Variants in CPED1 observed in about 807,000 individuals in gnomAD.
The protein encoded by CPED1 is cadherin like and PC-esterase domain containing 1, also known as cadherin-like and PC-esterase domain-containing protein 1.
A neutral mutation model predicts 128.2 loss-of-function variants in CPED1; 114 were observed. The observed-to-expected ratio is 0.89, with a 90% CI of 0.76 to 1.04. The LOEUF (loss-of-function observed/expected upper bound fraction) is 1.04, where lower values mean the gene tolerates loss of function less well. Ranked by LOEUF, CPED1 falls within the 50% of genes least tolerant of loss-of-function variation. CPED1 has a pLI of 0.00. For missense variants in CPED1, 1,211 were observed against 1,207.1 expected, an observed-to-expected ratio of 1.00 and a Z score of -0.05; for synonymous variants, 462 against 426.7, an observed-to-expected ratio of 1.08 and a Z score of -1.02.
chr7:121,215,602 T>A (rs1797742536), intron 16 of CPED1, among the ~76,000 whole-genome samples: 1 of 152,062 alleles, frequency 6.6e-6, no homozygotes, highest in South Asian at 2.1e-4. Flanking sequence ...TAGAGCACAG[T>A]TTTTAATAAA....
At chr7:121,032,667 G>A (rs1385264076) in intron 3 of CPED1, among the ~76,000 whole-genome samples, 9 of 151,742 alleles carry the variant, frequency 5.9e-5, no homozygotes, top group African/African-American at 1.5e-4. Context: ...GTATACTTAC[G>A]TAACACACCT....
intron 2 of CPED1, among the ~76,000 whole-genome samples, chr7:121,007,230 C>CTTTT (rs147867549): frequency 2.0e-4 from 23 of 115,838 alleles, no homozygotes; most frequent in Non-Finnish European, 2.7e-4. Flanking sequence ...GTTCAGGTTG[C>CTTTT]ATTTTTTTTT....
At chr7:121,070,915 G>T (rs1304258946) in intron 5 of CPED1, among the ~76,000 whole-genome samples, 1 of 152,130 alleles carries the variant, frequency 6.6e-6, no homozygotes, top group Non-Finnish European at 1.5e-5. Flanking sequence ...GACTGAAACA[G>T]TACAGCCTAG....
intron 16 of CPED1, among the ~76,000 whole-genome samples, chr7:121,159,290 C>A (rs1201032135): frequency 3.3e-5 from 5 of 152,146 alleles, no homozygotes; most frequent in African/African-American, 1.2e-4. Context: ...ACAATTTACT[C>A]TTCTGATTTG....
chr7:121,006,057 G>A (rs1234178996), intron 2 of CPED1, among the ~76,000 whole-genome samples: 1 of 152,158 alleles, frequency 6.6e-6, no homozygotes, highest in East Asian at 1.9e-4. Context: ...CTGTGAAAAT[G>A]TTTGGTCGAC....
chr7:121,024,162 C>T (rs531511678), intron 3 of CPED1, among the ~76,000 whole-genome samples: 25 of 152,168 alleles, frequency 1.6e-4, no homozygotes, highest in African/African-American at 5.8e-4. Flanking sequence ...AAACAGAATT[C>T]GTTCTTTAAT....
intron 18 of CPED1, chr7:121,261,817 A>G (rs1244404727): frequency 1.5e-5 from 19 of 1,248,100 alleles, no homozygotes; most frequent in East Asian, 2.5e-5. Context: ...TTTTTGGGCT[A>G]TCTGTTACAG....
At position 121,246,421 on chromosome 7, in the gene CPED1, G is replaced by A. The variant is rs997546355; in HGVS notation, c.2310+2083G>A. Among the ~76,000 whole-genome samples the A allele has an allele frequency of 3.9e-5, 6 of 152,280 alleles. No homozygotes were observed. The East Asian group carries it at 5.8e-4, about 15-fold the overall frequency. ...TATTTCTCACAGTTCTGGAGGCTAC[G>A]GAGTCCTAGATCAAGGTGTCAGTAT... On this transcript the variant is annotated intron_variant, in intron 18 of 22. Transcript: ENST00000310396.
At chr7:121,189,793 T>TATATATATATATATATATAA (rs1300638763) in intron 16 of CPED1, among the ~76,000 whole-genome samples, 1 of 73,366 alleles carries the variant, frequency 1.4e-5, no homozygotes, top group Non-Finnish European at 3.1e-5. Flanking sequence ...TATATATATA[T>TATATATATATATATATATAA]ATATAAAATT....
At chr7:121,161,554 C>T (rs917595005) in intron 16 of CPED1, among the ~76,000 whole-genome samples, 1 of 152,180 alleles carries the variant, frequency 6.6e-6, no homozygotes, top group African/African-American at 2.4e-5. Context: ...TGTGCAAAAT[C>T]TCTCCCAGCA....
chr7:121,164,098 C>T (rs1322699343), intron 16 of CPED1, among the ~76,000 whole-genome samples: 1 of 152,230 alleles, frequency 6.6e-6, no homozygotes, highest in Non-Finnish European at 1.5e-5. Flanking sequence ...AAGCTCAGAA[C>T]ATCACAAATC....
chr7:121,186,358 T>A (rs927152103), intron 16 of CPED1, among the ~76,000 whole-genome samples: 1 of 152,168 alleles, frequency 6.6e-6, no homozygotes, highest in African/African-American at 2.4e-5. Flanking sequence ...AATATTTGAA[T>A]GTTGTGTGTG....
At chr7:121,111,310 A>G (rs892618270) in intron 7 of CPED1, among the ~76,000 whole-genome samples, 5 of 152,062 alleles carry the variant, frequency 3.3e-5, no homozygotes, top group Non-Finnish European at 7.4e-5. Context: ...TGTAACCCCT[A>G]TTTCCAACAG....
chr7:121,016,639 C>T (rs1792308957), intron 3 of CPED1, among the ~76,000 whole-genome samples: 1 of 152,164 alleles, frequency 6.6e-6, no homozygotes, highest in South Asian at 2.1e-4. Flanking sequence ...GATGGTGATA[C>T]CTGTGTTTCA....
At chr7:121,182,416 G>A (rs1796919829) in intron 16 of CPED1, among the ~76,000 whole-genome samples, 1 of 151,650 alleles carries the variant, frequency 6.6e-6, no homozygotes, top group Non-Finnish European at 1.5e-5. Context: ...CAACCTGCCT[G>A]CCTGCCTTCC....
intron 22 of CPED1, among the ~76,000 whole-genome samples, chr7:121,281,302 G>A (rs920473007): frequency 6.6e-6 from 1 of 152,126 alleles, no homozygotes; most frequent in Non-Finnish European, 1.5e-5. Flanking sequence ...TCTGATGATG[G>A]TTTATGTGAA....
intron 3 of CPED1, among the ~76,000 whole-genome samples, chr7:121,017,413 C>A (rs1792329884): frequency 1.3e-5 from 2 of 151,988 alleles, no homozygotes; most frequent in South Asian, 4.2e-4. Flanking sequence ...TACTTAGAAA[C>A]CTATTTATCA....
intron 3 of CPED1, among the ~76,000 whole-genome samples, chr7:121,018,651 TCTATTTCAC>T (rs1374526539): frequency 1.3e-5 from 2 of 152,134 alleles, no homozygotes; most frequent in African/African-American, 2.4e-5. Flanking sequence ...AGGTATTTTC[TCTATTTCAC>T]CTATTTCACC....
chr7:121,208,265 C>T (rs1053237151), intron 16 of CPED1, among the ~76,000 whole-genome samples: 8 of 151,858 alleles, frequency 5.3e-5, no homozygotes, highest in African/African-American at 9.7e-5. Context: ...AGTATGCATA[C>T]GAAACATAGT....
Sources: gnomAD v4.1 joint callset for allele counts (sites outside exome capture counted in the v4.1 genomes callset) on GRCh38, gnomAD v4.1.1 for gene constraint, MANE v1.5 for transcripts, NCBI Gene and HGNC (gene_info 2026-07-23, HGNC 2026-07-21) for gene names.